The following PTPRD variants were observed in gnomAD, a reference collection of about 807,000 sequenced individuals.
PTPRD encodes the protein protein tyrosine phosphatase receptor type D.
In PTPRD, 34 loss-of-function variants were observed where a neutral mutation model predicts 214.5. The ratio of observed to expected loss-of-function variants is 0.16; its 90% CI spans 0.12 to 0.21. The LOEUF is 0.21. PTPRD is among the 10% of genes least tolerant of loss of function. The pLI, the probability that PTPRD is intolerant of heterozygous loss-of-function variation, is 1.00. For missense variants in PTPRD, 2,545 were observed against 2,398.7 expected, an observed-to-expected ratio of 1.06 and a Z score of -1.27; for synonymous variants, 1,128 against 845.7, an observed-to-expected ratio of 1.33 and a Z score of -5.79.
At chr9:8,920,295 T>C (rs1054724534) in intron 11 of PTPRD, among the ~76,000 whole-genome samples, 4 of 151,898 alleles carry the variant, frequency 2.6e-5, no homozygotes, top group African/African-American at 9.7e-5. Context: ...GAGCCAAGAT[T>C]GCACCACTGT....
At chr9:10,550,226 T>G (rs1161053138) in intron 2 of PTPRD, among the ~76,000 whole-genome samples, 1 of 152,214 alleles carries the variant, frequency 6.6e-6, no homozygotes, top group Non-Finnish European at 1.5e-5. Flanking sequence ...CAAGTCCCCT[T>G]TGCTAAACTA....
chr9:9,177,006 C>T lies in PTPRD; in HGVS notation c.-143+6298G>A, dbSNP rs1019108143. 5.3e-5 allele frequency among the ~76,000 whole-genome samples: 8 copies of T among 151,954 alleles called. No homozygotes were observed. In the East Asian group the frequency reaches 1.4e-3, roughly 26 times the overall value. On this transcript the variant is annotated intron_variant, in intron 10 of 45. Coordinates refer to ENST00000381196, the MANE Select transcript of PTPRD (RefSeq NM_002839.4). ...TTTTTCTGTCTGTATATCCTAATGC[C>T]CACTTGTATTAATTCATTTTCATAC...
intron 5 of PTPRD, among the ~76,000 whole-genome samples, chr9:9,831,450 G>T (rs1174561655): frequency 1.3e-5 from 2 of 151,940 alleles, no homozygotes; most frequent in Non-Finnish European, 2.9e-5. Context: ...CCCTGAAATT[G>T]AAATGGGAAT....
At chr9:8,912,575 G>A (rs2098755641) in intron 11 of PTPRD, among the ~76,000 whole-genome samples, 1 of 152,040 alleles carries the variant, frequency 6.6e-6, no homozygotes, top group Admixed American at 6.6e-5. Flanking sequence ...TGTGGTAATA[G>A]ATACAAAAAA....
chr9:8,797,826 G>C (rs2096476373), intron 11 of PTPRD, among the ~76,000 whole-genome samples: 1 of 151,850 alleles, frequency 6.6e-6, no homozygotes, highest in Non-Finnish European at 1.5e-5. Context: ...ATTCACTTTA[G>C]TGTCTAGAAC....
intron 10 of PTPRD, among the ~76,000 whole-genome samples, chr9:9,143,978 G>A (rs1369413867): frequency 6.6e-6 from 1 of 152,162 alleles, no homozygotes; most frequent in African/African-American, 2.4e-5. Flanking sequence ...CCTTCTAGGA[G>A]CAGATGTTCT....
chr9:8,495,762 A>C (rs2097251377), intron 26 of PTPRD, among the ~76,000 whole-genome samples: 2 of 152,314 alleles, frequency 1.3e-5, no homozygotes, highest in South Asian at 4.1e-4. Context: ...ACGGTCAAAA[A>C]TGCTGCTGCA....
chr9:10,556,774 A>G (rs989376562), intron 2 of PTPRD, among the ~76,000 whole-genome samples: 22 of 152,136 alleles, frequency 1.4e-4, no homozygotes, highest in African/African-American at 5.1e-4. Context: ...GATTAATTAT[A>G]TTTTAGAAAT....
intron 8 of PTPRD, among the ~76,000 whole-genome samples, chr9:9,521,304 C>T (rs991112190): frequency 6.6e-6 from 1 of 152,112 alleles, no homozygotes; most frequent in Non-Finnish European, 1.5e-5. Context: ...CAGGATGTTT[C>T]AGTCCCTACT....
intron 2 of PTPRD, among the ~76,000 whole-genome samples, chr9:10,461,714 C>G (rs1293417555): frequency 6.6e-6 from 1 of 151,744 alleles, no homozygotes; most frequent in East Asian, 2.0e-4. Context: ...CCTCTGCGTC[C>G]TGGGTTCAAG....
chr9:10,309,521 TC>T (rs146149905), intron 3 of PTPRD, among the ~76,000 whole-genome samples: 3,631 of 90,134 alleles, frequency 0.04, 179 homozygotes, highest in African/African-American at 0.18. Flanking sequence ...TCCAGCTATT[TC>T]TTTTTTTTTT....
At chr9:10,088,107 T>A (rs191589122) in intron 3 of PTPRD, among the ~76,000 whole-genome samples, 1 of 151,918 alleles carries the variant, frequency 6.6e-6, no homozygotes, top group Non-Finnish European at 1.5e-5. Context: ...ATATTTATTG[T>A]CTAGTTTGTA....
At chr9:9,159,204 T>C (rs2099884102) in intron 10 of PTPRD, among the ~76,000 whole-genome samples, 1 of 152,010 alleles carries the variant, frequency 6.6e-6, no homozygotes, top group African/African-American at 2.4e-5. Context: ...TTCCTAGCCA[T>C]AGTAATTAGG....
chr9:8,472,103 G>A (rs956287852), intron 30 of PTPRD, among the ~76,000 whole-genome samples: 1 of 152,166 alleles, frequency 6.6e-6, no homozygotes, highest in African/African-American at 2.4e-5. Context: ...AGACAGATCT[G>A]TAGAGATTAA....
chr9:10,114,580 G>A (rs1351950407), intron 3 of PTPRD, among the ~76,000 whole-genome samples: 1 of 151,654 alleles, frequency 6.6e-6, no homozygotes, highest in African/African-American at 2.4e-5. Context: ...TATTATATAG[G>A]TGTATATATA....
chr9:9,781,870 G>A (rs2821474), intron 5 of PTPRD, among the ~76,000 whole-genome samples: 38,837 of 150,958 alleles, frequency 0.26, 6,268 homozygotes, highest in African/African-American at 0.46. Context: ...TCGGCTCGCT[G>A]CAAGCTCCGC....
At chr9:9,258,488 C>T (rs1191978119) in intron 9 of PTPRD, among the ~76,000 whole-genome samples, 7 of 151,630 alleles carry the variant, frequency 4.6e-5, no homozygotes, top group African/African-American at 1.7e-4. Context: ...ATCTGTTAAG[C>T]TTCAGGTTGT....
intron 3 of PTPRD, among the ~76,000 whole-genome samples, chr9:10,111,146 G>C (rs186758061): frequency 7.9e-4 from 117 of 148,654 alleles, no homozygotes; most frequent in African/African-American, 2.4e-3. Flanking sequence ...AATAAAATTA[G>C]ATAATGAATG....
At chr9:9,008,736 A>G (rs1390177945) in intron 11 of PTPRD, among the ~76,000 whole-genome samples, 1 of 152,122 alleles carries the variant, frequency 6.6e-6, no homozygotes, top group Non-Finnish European at 1.5e-5. Context: ...AAGATTTTTA[A>G]TTCGTCTCCT....
Sources: gnomAD v4.1 joint callset for allele counts (sites outside exome capture counted in the v4.1 genomes callset) on GRCh38, gnomAD v4.1.1 for gene constraint, MANE v1.5 for transcripts, NCBI Gene and HGNC (gene_info 2026-07-23, HGNC 2026-07-21) for gene names.